Variants in PLA2G6 observed in about 807,000 individuals in gnomAD.
The protein encoded by PLA2G6 is phospholipase A2 group VI.
Under a neutral mutation model 83.8 loss-of-function variants are expected in PLA2G6, and 62 were observed. The ratio of observed to expected loss-of-function variants is 0.74; its 90% CI spans 0.60 to 0.91. The LOEUF is 0.91. Among genes scored for constraint, PLA2G6 ranks in the 40% least tolerant of loss-of-function variants. The probability of loss-of-function intolerance (pLI) is 0.00; values close to 1 mark genes in which losing one functional copy is unlikely to be tolerated. For missense variants in PLA2G6, 944 were observed against 1,102.0 expected (o/e 0.86, Z 2.03); for synonymous variants, 417 against 449.8 (o/e 0.93, Z 0.92).
intron 12 of PLA2G6, among the ~76,000 whole-genome samples, chr22:38,116,612 T>C (rs2087210802): frequency 6.6e-6 from 1 of 152,026 alleles, no homozygotes; most frequent in African/African-American, 2.4e-5. Flanking sequence ...CCCAGCACTT[T>C]GGGAGGCCGA....
intron 2 of PLA2G6, among the ~76,000 whole-genome samples, chr22:38,165,518 C>G (rs1569296517): frequency 6.6e-6 from 1 of 152,220 alleles, no homozygotes; most frequent in South Asian, 2.1e-4. Flanking sequence ...GCTGAGAACA[C>G]AGAGGCAGAA....
At chr22:38,175,759 C>T (rs2090608022) in intron 1 of PLA2G6, among the ~76,000 whole-genome samples, 1 of 152,206 alleles carries the variant, frequency 6.6e-6, no homozygotes, top group Non-Finnish European at 1.5e-5. Flanking sequence ...CACAGGAACA[C>T]ACACCATGTG....
intron 2 of PLA2G6, among the ~76,000 whole-genome samples, chr22:38,160,501 C>T (rs890871960): frequency 1.2e-4 from 18 of 152,174 alleles, no homozygotes; most frequent in Non-Finnish European, 2.2e-4. Context: ...CAGCTGCACA[C>T]AAAACGTATC....
chr22:38,115,391 C>T, intron 14 of PLA2G6, 136 bp downstream of exon 14: 1 of 766,476 alleles, frequency 1.3e-6, no homozygotes, highest in East Asian at 2.7e-5. Flanking sequence ...GATCAATTTG[C>T]CCTGTGTGCA....
rs1456513786 is a variant in PLA2G6 at position 38,132,941 on chromosome 22, C to T, written c.967G>A (p.Val323Met). Residue 323 changes from valine to methionine, a missense_variant, in exon 7 of 17, where the codon GTG (valine) becomes ATG (methionine). Coordinates refer to ENST00000332509, the MANE Select transcript of PLA2G6 (RefSeq NM_003560.4). The surrounding 1 kb of genome is among the most constrained non-coding windows in gnomAD (Gnocchi z 5.0). ...TCGAAGCGGTTGCGCATCACCGCCA[C>T]GTGCAGGGCCGTGTTCCCCGCGGAG... ...TSSAGNTALHVAVMRNRFDCA... is the reference protein window; with the variant it reads ...TSSAGNTALHMAVMRNRFDCA... The T allele has an allele frequency of 5.1e-6, 8 of 1,561,914 alleles. No individual in the cohort carries two copies. The highest frequency in any genetic ancestry group is 2.4e-5 in the East Asian group (1 of 41,862).
chr22:38,141,503 C>G (rs773117057), intron 4 of PLA2G6: 1 of 152,336 alleles, frequency 6.6e-6, no homozygotes, highest in East Asian at 1.9e-4. Flanking sequence ...GCCAGAGACA[C>G]AGCAGGAAGA....
intron 9 of PLA2G6, chr22:38,127,291 T>G (rs1602113355): frequency 1.6e-6 from 2 of 1,259,268 alleles, no homozygotes; most frequent in African/African-American, 1.5e-5. Context: ...GGGGACAGGG[T>G]GCAGGGGAGG....
At chr22:38,147,097 A>C (rs2089303808) in intron 2 of PLA2G6, 1 of 151,964 alleles carries the variant, frequency 6.6e-6, no homozygotes, top group Admixed American at 6.6e-5. Context: ...GTTCATTTTT[A>C]AGTGTTGAGG....
chr22:38,173,786 G>A (rs1043063010), intron 1 of PLA2G6, among the ~76,000 whole-genome samples: 6 of 152,146 alleles, frequency 3.9e-5, no homozygotes, highest in East Asian at 1.9e-4. Flanking sequence ...ACAGTGGCTC[G>A]TGCCTGTAAT....
At chr22:38,177,829 G>C (rs1247591960) in intron 1 of PLA2G6, among the ~76,000 whole-genome samples, 1 of 152,124 alleles carries the variant, frequency 6.6e-6, no homozygotes, top group Non-Finnish European at 1.5e-5. Context: ...CATTACACAG[G>C]AAACTGGGGC....
At chr22:38,145,828 CACA>C in intron 2 of PLA2G6, 175 bp from the exon 3 acceptor site, 1 of 649,732 alleles carries the variant, frequency 1.5e-6, no homozygotes, top group South Asian at 1.6e-5. Flanking sequence ...CACACACACA[CACA>C]CACCCCTATA....
At chr22:38,164,493 G>A (rs2090141198) in intron 2 of PLA2G6, among the ~76,000 whole-genome samples, 1 of 152,206 alleles carries the variant, frequency 6.6e-6, no homozygotes, top group African/African-American at 2.4e-5. Context: ...CAGGCATGCA[G>A]GACCTGCTGG....
intron 1 of PLA2G6, among the ~76,000 whole-genome samples, chr22:38,173,712 C>G (rs2090523599): frequency 6.6e-6 from 1 of 152,118 alleles, no homozygotes; most frequent in Non-Finnish European, 1.5e-5. Context: ...TCTCAGAGAT[C>G]AAGAAACTGA....
intron 2 of PLA2G6, among the ~76,000 whole-genome samples, chr22:38,152,558 C>T (rs1032646406): frequency 2.0e-5 from 3 of 151,094 alleles, no homozygotes; most frequent in African/African-American, 4.9e-5. Flanking sequence ...CTCTTCCTCA[C>T]TTCCTTTCTT....
Position 38,132,167 on chromosome 22 carries a change from C to A in PLA2G6, c.1077+664G>T. On this transcript the variant is annotated intron_variant, in intron 7 of 16. Transcript: ENST00000332509. This position sits in a 1 kb window ranked among gnomAD's most constrained non-coding sequence, Gnocchi z 5.0. ...ATGTCTGTAACACAGTAACGTCCTC[C>A]TCTGCTAGGTTTAATATGTTCATAC... 2.2e-6 allele frequency: 1 copy of A among 453,146 alleles called. No individual in the cohort carries two copies. The allele number at this position is 453,146 out of a possible 1,614,324, so 28.1% of individuals were successfully genotyped here.
chr22:38,180,798 T>C (rs1052016004), intron 1 of PLA2G6, among the ~76,000 whole-genome samples: 1 of 152,198 alleles, frequency 6.6e-6, no homozygotes, highest in African/African-American at 2.4e-5. Flanking sequence ...ACAGTTCCCC[T>C]GTCACAGATG....
intron 11 of PLA2G6, 119 bp downstream of exon 11, chr22:38,122,976 T>G (rs2145721070): frequency 1.0e-6 from 1 of 993,646 alleles, no homozygotes; most frequent in Non-Finnish European, 1.5e-6. Context: ...CTCCTCAAAG[T>G]GCTTATAGCC....
intron 12 of PLA2G6, among the ~76,000 whole-genome samples, chr22:38,119,208 G>A (rs147798526): frequency 1.7e-3 from 252 of 152,228 alleles, no homozygotes; most frequent in African/African-American, 5.3e-3. Flanking sequence ...ACCACACAGC[G>A]GTAGTTTTTT....
In PLA2G6 at chr22:38,160,567, C is replaced by T. The variant is rs190978324; in HGVS notation, c.209+8651G>A. Among the ~76,000 whole-genome samples, 339 of 152,312 alleles carry T rather than the reference C, an allele frequency of 2.2e-3. 2 individuals are homozygous for T. The highest frequency in any genetic ancestry group is 7.7e-3 in the African/African-American group (322 of 41,570). On this transcript the variant is annotated intron_variant, in intron 2 of 16. Coordinates refer to ENST00000332509, the MANE Select transcript of PLA2G6 (RefSeq NM_003560.4). ...CCAGATAGAAAAGCCTTTATCTTGG[C>T]CGGGGGCGGTGGCTCACGCCTGTAA...
Sources: allele counts gnomAD v4.1 joint callset (sites outside exome capture counted in the v4.1 genomes callset), GRCh38; gene constraint gnomAD v4.1.1; non-coding constraint Gnocchi (gnomAD v3.1); transcripts MANE v1.5; gene names NCBI Gene and HGNC (gene_info 2026-07-23, HGNC 2026-07-21).